GABRG3: variants seen among roughly 807,000 people sequenced by gnomAD.
GABRG3 encodes the protein gamma-aminobutyric acid receptor subunit gamma-3.
A neutral mutation model predicts 48.8 loss-of-function variants in GABRG3; 25 were observed. That is an observed-to-expected ratio of 0.51 (90% CI 0.37 to 0.72). The LOEUF is 0.72. Ranked by LOEUF, GABRG3 falls within the 30% of genes least tolerant of loss-of-function variation. GABRG3 has a pLI of 0.00. For synonymous variants in GABRG3, 227 were observed against 217.6 expected (o/e 1.04, Z -0.38); for missense variants, 394 against 577.9 (o/e 0.68, Z 3.26).
At chr15:27,285,204 TGTG>T (rs1457187708) in intron 3 of GABRG3, among the ~76,000 whole-genome samples, 6 of 151,988 alleles carry the variant, frequency 3.9e-5, no homozygotes, top group Non-Finnish European at 7.4e-5. Flanking sequence ...TTTTGTATAA[TGTG>T]GTAGCTGCAG....
chr15:27,400,265 A>G (rs1405084153), intron 5 of GABRG3, among the ~76,000 whole-genome samples: 1 of 152,204 alleles, frequency 6.6e-6, no homozygotes, highest in Non-Finnish European at 1.5e-5. Flanking sequence ...TTCTTAAACT[A>G]TGTTGTGAGA....
At chr15:27,220,623 C>A (rs1331229416) in intron 3 of GABRG3, among the ~76,000 whole-genome samples, 1 of 152,162 alleles carries the variant, frequency 6.6e-6, no homozygotes, top group Non-Finnish European at 1.5e-5. Context: ...TTCTGAAAAA[C>A]AACTCAAGAA....
At position 27,480,746 on chromosome 15, in the gene GABRG3, T is replaced by C. The variant is rs749140479; in HGVS notation, c.671T>C (p.Met224Thr). 3 of 1,613,702 alleles carry C rather than the reference T, an allele frequency of 1.9e-6. No individual in the cohort carries two copies. The highest frequency in any genetic ancestry group is 2.5e-6 in the Non-Finnish European group (3 of 1,179,836). The stretch of plus-strand genomic sequence containing the variant: ...TGGCGGCTTTATCAGTTTGACTTCA[T>C]GGGCCTCAGAAACACCACAGAAATC... ...KSWRLYQFDFMGLRNTTEIVT... is the reference protein window; with the variant it reads ...KSWRLYQFDFTGLRNTTEIVT... Residue 224 changes from methionine (M) to threonine (T), a missense_variant, in exon 6 of 10, where the codon ATG becomes ACG. Transcript: ENST00000615808.
At chr15:27,147,228 A>G (rs188299596) in intron 3 of GABRG3, among the ~76,000 whole-genome samples, 40 of 152,226 alleles carry the variant, frequency 2.6e-4, no homozygotes, top group Admixed American at 5.9e-4. Flanking sequence ...TAATGTATAT[A>G]ATGATAAATG....
At position 26,975,564 on chromosome 15, in the gene GABRG3, A is replaced by G. The variant is rs1894926566; in HGVS notation, c.54-1438A>G. Among the ~76,000 whole-genome samples, 1 of 152,198 alleles carries G rather than the reference A, an allele frequency of 6.6e-6. No homozygotes were observed. Among genetic ancestry groups the G allele is most frequent in the African/African-American group, 2.4e-5 (1 of 41,434 alleles). ...CTAGTCTACGTTATGGCTAGTTAAC[A>G]CGCTTTAAAAGACTCATGTATATAT... On this transcript the variant is annotated intron_variant, in intron 1 of 9. Coordinates refer to ENST00000615808, the MANE Select transcript of GABRG3 (RefSeq NM_033223.5). This position sits in a 1 kb window ranked among gnomAD's most constrained non-coding sequence, Gnocchi z 4.6.
chr15:27,472,160 A>T (rs1157641081), intron 5 of GABRG3, among the ~76,000 whole-genome samples: 2 of 151,980 alleles, frequency 1.3e-5, no homozygotes. Flanking sequence ...ATAGGATTTG[A>T]ATGTTTTTTT....
intron 3 of GABRG3, among the ~76,000 whole-genome samples, chr15:27,209,706 A>G (rs909329412): frequency 6.6e-6 from 1 of 152,150 alleles, no homozygotes; most frequent in African/African-American, 2.4e-5. Flanking sequence ...GAACCCTAGG[A>G]AGGGGAATTT....
intron 3 of GABRG3, among the ~76,000 whole-genome samples, chr15:27,133,569 C>G (rs755266934): frequency 2.6e-5 from 4 of 152,226 alleles, no homozygotes; most frequent in Non-Finnish European, 4.4e-5. Context: ...CAGGCTCCTA[C>G]TGACATGTTT....
At chr15:27,109,817 G>A (rs1190187423) in intron 3 of GABRG3, among the ~76,000 whole-genome samples, 1 of 152,210 alleles carries the variant, frequency 6.6e-6, no homozygotes, top group African/African-American at 2.4e-5. Flanking sequence ...GGGAGAGGGA[G>A]GTTGTAGTGA....
intron 5 of GABRG3, chr15:27,366,293 A>G (rs914312491): frequency 2.0e-5 from 3 of 152,144 alleles, no homozygotes; most frequent in African/African-American, 7.2e-5. Flanking sequence ...CAGACTTCCA[A>G]CTCCGGGCTC....
At chr15:27,528,701 A>G (rs1338754897) in intron 9 of GABRG3, among the ~76,000 whole-genome samples, 7 of 105,828 alleles carry the variant, frequency 6.6e-5, no homozygotes, top group Middle Eastern at 4.6e-3. Context: ...TTCTTTGACT[A>G]TTGACAATAT....
Position 27,236,244 on chromosome 15 carries a change from T to C in GABRG3, c.271-90565T>C, listed in dbSNP as rs939316445. On this transcript the variant is annotated intron_variant, in intron 3 of 9. Transcript: ENST00000615808. The surrounding 1 kb of genome is among the most constrained non-coding windows in gnomAD (Gnocchi z 4.4). ...GTGGAGACTCTGATGTGCTCAGCGC[T>C]ACATGAGTGAAGTCCCTCAGTCTCC... Among the ~76,000 whole-genome samples, 3 of 152,202 alleles carry C rather than the reference T, an allele frequency of 2.0e-5. No homozygotes were observed. The highest frequency in any genetic ancestry group is 4.4e-5 in the Non-Finnish European group (3 of 68,028).
At chr15:27,228,738 A>G (rs1166614768) in intron 3 of GABRG3, among the ~76,000 whole-genome samples, 4 of 152,090 alleles carry the variant, frequency 2.6e-5, no homozygotes, top group Admixed American at 2.6e-4. Context: ...TCATTTTTCA[A>G]CTTTTTACTG....
At chr15:27,361,409 A>G (rs1229312538) in intron 5 of GABRG3, among the ~76,000 whole-genome samples, 2 of 152,228 alleles carry the variant, frequency 1.3e-5, no homozygotes, top group Non-Finnish European at 2.9e-5. Context: ...GATGACGCTA[A>G]GGCCCTGAGA....
intron 3 of GABRG3, among the ~76,000 whole-genome samples, chr15:27,050,694 G>A (rs1474945179): frequency 6.6e-6 from 1 of 152,016 alleles, no homozygotes; most frequent in Admixed American, 6.5e-5. Context: ...CCAAGTGGAT[G>A]ACAATAAGTT....
intron 2 of GABRG3, among the ~76,000 whole-genome samples, chr15:27,019,050 A>C (rs1197413899): frequency 8.1e-6 from 1 of 123,856 alleles, no homozygotes; most frequent in Non-Finnish European, 1.7e-5. Flanking sequence ...TTTGTTCCCT[A>C]GAGTCTTTTT....
At position 27,269,805 on chromosome 15, in the gene GABRG3, G is replaced by T. The variant is rs1264155923; in HGVS notation, c.271-57004G>T. ...TCAGCAGGAGTGGTGATGGGCAGCC[G>T]AATGATCTTTCATTGTTAATTTTCA... On this transcript the variant is annotated intron_variant, in intron 3 of 9. Coordinates refer to ENST00000615808, the MANE Select transcript of GABRG3 (RefSeq NM_033223.5). Among the ~76,000 whole-genome samples, 3 of 152,140 alleles carry T rather than the reference G, an allele frequency of 2.0e-5. No homozygotes were observed. The East Asian group carries it at 5.8e-4, about 29-fold the overall frequency.
At chr15:27,016,525 A>G (rs1452379324) in intron 2 of GABRG3, among the ~76,000 whole-genome samples, 1 of 152,098 alleles carries the variant, frequency 6.6e-6, no homozygotes, top group Non-Finnish European at 1.5e-5. Context: ...TTCTGCTTTC[A>G]AGATTCTCAT....
intron 3 of GABRG3, among the ~76,000 whole-genome samples, chr15:27,248,012 CAG>C (rs1407418477): frequency 1.3e-5 from 2 of 152,166 alleles, no homozygotes; most frequent in African/African-American, 4.8e-5. Flanking sequence ...ACCAGACATG[CAG>C]AGAGAAGGTA....
Sources: gnomAD v4.1 joint callset for allele counts (sites outside exome capture counted in the v4.1 genomes callset) on GRCh38, gnomAD v4.1.1 for gene constraint, Gnocchi (gnomAD v3.1) non-coding constraint, MANE v1.5 for transcripts, NCBI Gene and HGNC (gene_info 2026-07-23, HGNC 2026-07-21) for gene names.